PEX6: variants seen among roughly 807,000 people sequenced by gnomAD.
PEX6 encodes the protein peroxisomal biogenesis factor 6.
PEX6 carries 55 observed loss-of-function variants against 85.6 expected under a neutral mutation model. The observed-to-expected ratio is 0.64, with a 90% CI of 0.52 to 0.80. PEX6 has a LOEUF of 0.80. Ranked by LOEUF, PEX6 falls within the 30% of genes least tolerant of loss-of-function variation. The pLI, the probability that PEX6 is intolerant of heterozygous loss-of-function variation, is 0.00. For missense variants in PEX6, 1,099 were observed against 1,260.3 expected, an observed-to-expected ratio of 0.87 and a Z score of 1.94; for synonymous variants, 519 against 549.1, an observed-to-expected ratio of 0.95 and a Z score of 0.77.
intron 3 of PEX6, among the ~76,000 whole-genome samples, chr6:42,973,115 G>A (rs1770125672): frequency 6.6e-6 from 1 of 152,104 alleles, no homozygotes; most frequent in Non-Finnish European, 1.5e-5. Context: ...AGGTCCAAGT[G>A]ATTCTCCCGC....
chr6:42,966,027 C>T lies in PEX6; in HGVS notation c.2362+17G>A, dbSNP rs375367604. 1.2e-6 allele frequency: 2 copies of T among 1,612,976 alleles called. No homozygotes were observed. Among genetic ancestry groups the T allele is most frequent in the African/African-American group, 1.3e-5 (1 of 74,990 alleles). On this transcript the variant is annotated intron_variant, in intron 12 of 16. Transcript: ENST00000304611. ...TTTGGGAAGCATGGGACGCCCTGCC[C>T]CTCCCTGCTCACTCACCTTCCCGCA...
chr6:42,965,138 A>G lies in PEX6; in HGVS notation c.2603T>C (p.Val868Ala), dbSNP rs1410841221. The G allele has an allele frequency of 6.2e-7, 1 of 1,614,026 alleles. No individual in the cohort carries two copies. Among genetic ancestry groups the G allele is most frequent in the Non-Finnish European group, 8.5e-7 (1 of 1,180,002 alleles). The change falls in exon 15 of 17, where the codon GTG (valine) becomes GCG (alanine). Residue 868 changes from valine (V) to alanine (A), a missense_variant. This residue lies in a region of PEX6 where 514 missense variants were observed against 627.0 expected (regional missense o/e 0.82). Coordinates refer to ENST00000304611, the MANE Select transcript of PEX6 (RefSeq NM_000287.4). This position sits in a 1 kb window ranked among gnomAD's most constrained non-coding sequence, Gnocchi z 5.0. ...CCGGTCCTCATTTGCCCCCACAAAC[A>G]CCAGCTTGTCAAATCTTTAGGGAGA... ...LLRPGRFDKL[V>A]FVGANEDRAS...
chr6:42,974,934 G>C lies in PEX6; in HGVS notation c.987C>G (p.Pro329=), dbSNP rs775893741. The stretch of plus-strand genomic sequence containing the variant: ...CATAATTTCCATTAGTGCTGTAGTG[G>C]GGAGAAGACACAATTTCGATGTGTA... ...RELHIEIVSS[P]HYSTNGNYDG... The change falls in exon 2 of 17, where the codon CCC becomes CCG. Residue 329 remains proline, a synonymous_variant. Transcript: ENST00000304611. 3.7e-6 allele frequency: 6 copies of C among 1,613,814 alleles called. No individual in the cohort carries two copies. Among genetic ancestry groups the C allele is most frequent in the Non-Finnish European group, 5.1e-6 (6 of 1,179,876 alleles).
At chr6:42,977,216 G>A (rs573339605) in intron 1 of PEX6, among the ~76,000 whole-genome samples, 8 of 148,452 alleles carry the variant, frequency 5.4e-5, no homozygotes, top group African/African-American at 1.5e-4. Flanking sequence ...AAACTAATTA[G>A]ATTGAGTAGA....
At chr6:42,975,467 CTT>C (rs774809850) in intron 1 of PEX6, among the ~76,000 whole-genome samples, 91 of 152,282 alleles carry the variant, frequency 6.0e-4, no homozygotes, top group Non-Finnish European at 1.1e-3. Context: ...GAGCTCTACT[CTT>C]GAGTACCCCA....
intron 6 of PEX6, 82 bp downstream of exon 6, chr6:42,968,792 G>A: frequency 9.7e-7 from 1 of 1,029,430 alleles, no homozygotes; most frequent in Non-Finnish European, 1.5e-6. Flanking sequence ...ACAGAGGAGG[G>A]AGGGGAGAGG....
At chr6:42,977,848 T>G (rs1280225656) in intron 1 of PEX6, among the ~76,000 whole-genome samples, 34 of 148,452 alleles carry the variant, frequency 2.3e-4, no homozygotes, top group African/African-American at 7.4e-4. Context: ...TATGCTTTTT[T>G]TTTTTTTTTT....
Position 42,964,063 on chromosome 6 carries a change from A to C in PEX6, c.*272T>G, listed in dbSNP as rs916757912. The C allele has an allele frequency of 1.7e-6, 1 of 578,204 alleles. No individual in the cohort carries two copies. The highest frequency in any genetic ancestry group is 1.9e-5 in the African/African-American group (1 of 53,476). 35.8% of individuals were successfully genotyped at this position (578,204 alleles called of 1,614,324 possible). A position where few individuals can be genotyped will look rare whatever the true frequency, so the allele number is the denominator to read the frequency against. ...ACAGAACTAGCCCTCTCAGGGCCCA[A>C]TCCCCAGAACCCAAGGCCCTGGCCC... On this transcript the variant is annotated 3_prime_UTR_variant, in exon 17 of 17. Transcript: ENST00000304611. This position sits in a 1 kb window ranked among gnomAD's most constrained non-coding sequence, Gnocchi z 4.6.
At position 42,965,542 on chromosome 6, in the gene PEX6, C is replaced by T; in HGVS notation, c.2471+139G>A. ...CAGTGGACCCTGCCCAATTTCATGG[C>T]CCCTTTCAGCTTCCATTATATTATC... On this transcript the variant is annotated intron_variant, in intron 13 of 16. Coordinates refer to ENST00000304611, the MANE Select transcript of PEX6 (RefSeq NM_000287.4). This position sits in a 1 kb window ranked among gnomAD's most constrained non-coding sequence, Gnocchi z 5.0. 1.1e-6 allele frequency: 1 copy of T among 892,614 alleles called. No individual in the cohort carries two copies. The highest frequency in any genetic ancestry group is 1.9e-6 in the Non-Finnish European group (1 of 526,274). 55.3% of individuals were successfully genotyped at this position (892,614 alleles called of 1,614,324 possible).
chr6:42,974,001 A>T lies in PEX6; in HGVS notation c.1130+2T>A. The T allele has an allele frequency of 6.2e-7, 1 of 1,610,156 alleles. No individual in the cohort carries two copies. The highest frequency in any genetic ancestry group is 8.5e-7 in the Non-Finnish European group (1 of 1,176,376). ...GCTGTAGGACAGAAGGCAGCTGCAT[A>T]CCTGGGCAGTTTCTCTGGACTTCCT... On this transcript the variant is annotated splice_donor_variant, in intron 3 of 16. Coordinates refer to ENST00000304611, the MANE Select transcript of PEX6 (RefSeq NM_000287.4). LOFTEE classifies it high-confidence loss of function.
intron 5 of PEX6, 149 bp downstream of exon 5, chr6:42,969,519 G>A: frequency 1.1e-6 from 1 of 912,034 alleles, no homozygotes; most frequent in South Asian, 1.4e-5. Context: ...GGAGTGGCCT[G>A]GTGGCCTTGT....
chr6:42,966,316 G>C lies in PEX6; in HGVS notation c.2226C>G (p.Leu742=). The C allele has an allele frequency of 1.2e-6, 2 of 1,613,240 alleles. No individual in the cohort carries two copies. Among genetic ancestry groups the C allele is most frequent in the Non-Finnish European group, 1.7e-6 (2 of 1,180,008 alleles). The stretch of plus-strand genomic sequence containing the variant: ...TCTTGCCGGTGCCAGGGGGCCCATG[G>C]AGCAGAAGGCCTGAGCGTCTCAGGC... ...SLGLRRSGLL[L]HGPPGTGKTL... Residue 742 remains leucine, a synonymous_variant, in exon 11 of 17, where the codon CTC becomes CTG. Coordinates refer to ENST00000304611, the MANE Select transcript of PEX6 (RefSeq NM_000287.4).
intron 3 of PEX6, among the ~76,000 whole-genome samples, chr6:42,973,573 T>TG (rs1299714418): frequency 2.0e-5 from 3 of 151,942 alleles, no homozygotes; most frequent in African/African-American, 7.3e-5. Context: ...GTACACAGGC[T>TG]GGGGGTGAGT....
Position 42,974,073 on chromosome 6 carries a change from C to A in PEX6, c.1060G>T (p.Gly354Trp). The change falls in exon 3 of 17, where the codon GGG (glycine) becomes TGG (tryptophan). Residue 354 changes from glycine (G) to tryptophan (W), a missense_variant. Coordinates refer to ENST00000304611, the MANE Select transcript of PEX6 (RefSeq NM_000287.4). ...HFQIPRVVQE[G>W]DVLCVPTIGQ... Reference sequence around the variant, plus strand: ...ATTGTTGGCACACATAGAACATCCCCTTCCTGGACTACCCTGCAACACAGC... The same window carrying A: ...ATTGTTGGCACACATAGAACATCCCATTCCTGGACTACCCTGCAACACAGC... 1 of 1,613,872 alleles carries A rather than the reference C, an allele frequency of 6.2e-7. No individual in the cohort carries two copies.
chr6:42,971,429 T>C lies in PEX6; in HGVS notation c.1131-1442A>G, dbSNP rs1770051873. ...AGGGTGGTTGGACCACCTCAGTGAA[T>C]AGAAAGGCCAGAGCTCTGGAACCTA... is the stretch of plus-strand genomic sequence containing the variant. On this transcript the variant is annotated intron_variant, in intron 3 of 16. Coordinates refer to ENST00000304611, the MANE Select transcript of PEX6 (RefSeq NM_000287.4). The surrounding 1 kb of genome is among the most constrained non-coding windows in gnomAD (Gnocchi z 4.4). Among the ~76,000 whole-genome samples the C allele has an allele frequency of 6.6e-6, 1 of 152,102 alleles. No homozygotes were observed. The highest frequency in any genetic ancestry group is 1.5e-5 in the Non-Finnish European group (1 of 68,008).
chr6:42,964,588 G>T lies in PEX6; in HGVS notation c.2807-117C>A. 1 of 1,389,522 alleles carries T rather than the reference G, an allele frequency of 7.2e-7. No individual in the cohort carries two copies. The highest frequency in any genetic ancestry group is 1.0e-6 in the Non-Finnish European group (1 of 990,178). 86.1% of individuals were successfully genotyped at this position (1,389,522 alleles called of 1,614,324 possible). On this transcript the variant is annotated intron_variant, in intron 16 of 16. Transcript: ENST00000304611. This position sits in a 1 kb window ranked among gnomAD's most constrained non-coding sequence, Gnocchi z 4.6. Reference sequence around the variant, plus strand: ...CAATGATCTTCCCTCTGGAATCCAGGACTAGGTTTGTCTCCCACTAGTTTT... The same window carrying T: ...CAATGATCTTCCCTCTGGAATCCAGTACTAGGTTTGTCTCCCACTAGTTTT...
chr6:42,978,347 G>T lies in PEX6; in HGVS notation c.804C>A (p.Asp268Glu), dbSNP rs761372470. The T allele has an allele frequency of 6.2e-7, 1 of 1,614,198 alleles. No individual in the cohort carries two copies. The highest frequency in any genetic ancestry group is 8.5e-7 in the Non-Finnish European group (1 of 1,180,006). The change falls in exon 1 of 17, where the codon GAC becomes GAA. Residue 268 changes from aspartate (D) to glutamate (E), a missense_variant. By Grantham distance (45) the Asp-to-Glu change is conservative. Transcript: ENST00000304611. ...GSGPLGEPLA[D>E]GLALVPATLA... ...AAGTGGCAGGGACAAGCGCCAGTCCGTCAGCGAGGGGCTCTCCCAGCGGTC... is the reference window on the plus strand; with the variant it reads ...AAGTGGCAGGGACAAGCGCCAGTCCTTCAGCGAGGGGCTCTCCCAGCGGTC...
At chr6:42,977,768 CAAAAAAA>C (rs200706906) in intron 1 of PEX6, among the ~76,000 whole-genome samples, 10 of 51,714 alleles carry the variant, frequency 1.9e-4, no homozygotes, top group South Asian at 1.5e-3. Flanking sequence ...GACCCCATCT[CAAAAAAA>C]AAAAAAAAAA....
intron 4 of PEX6, 26 bp from the exon 5 acceptor site, chr6:42,969,827 G>A (rs200792372): frequency 2.1e-4 from 331 of 1,613,992 alleles, no homozygotes; most frequent in African/African-American, 1.4e-3. Flanking sequence ...AAAAGCTTTC[G>A]TTTCTAAAAA....
Sources: allele counts gnomAD v4.1 joint callset (sites outside exome capture counted in the v4.1 genomes callset), GRCh38; gene constraint gnomAD v4.1.1; regional missense constraint gnomAD v4.1.1; non-coding constraint Gnocchi (gnomAD v3.1); transcripts MANE v1.5; gene names NCBI Gene and HGNC (gene_info 2026-07-23, HGNC 2026-07-21).